Variants in SERGEF observed in about 807,000 individuals in gnomAD.
SERGEF encodes the protein secretion-regulating guanine nucleotide exchange factor.
Under a neutral mutation model 50.0 loss-of-function variants are expected in SERGEF, and 51 were observed. The observed-to-expected ratio is 1.02, with a 90% CI of 0.81 to 1.29. SERGEF has a LOEUF of 1.29. SERGEF is among the 50% of genes most tolerant of loss of function. The pLI is 0.00. For synonymous variants in SERGEF, 205 were observed against 212.4 expected (o/e 0.97, Z 0.30); for missense variants, 521 against 557.0 (o/e 0.94, Z 0.65).
At chr11:17,820,672 T>A (rs1850064301) in intron 10 of SERGEF, among the ~76,000 whole-genome samples, 2 of 152,240 alleles carry the variant, frequency 1.3e-5, no homozygotes, top group Admixed American at 1.3e-4. Context: ...TGTTAGTCAA[T>A]GCCTTAACCC....
At position 17,992,933 on chromosome 11, in the gene SERGEF, G is replaced by C; in HGVS notation, c.683C>G (p.Thr228Arg). The change falls in exon 7 of 11, where the codon ACA becomes AGA. Residue 228 changes from threonine to arginine, a missense_variant and splice_region_variant. Coordinates refer to ENST00000265965, the MANE Select transcript of SERGEF (RefSeq NM_012139.4). ...LAGSDHSASL[T>R]DAGEVYVWGS... ...ACCGTGAAAGAGCTGGTACCTACCTGTTAATGAAGCTGAGTGGTCTGAGCC... is the reference window on the plus strand; with the variant it reads ...ACCGTGAAAGAGCTGGTACCTACCTCTTAATGAAGCTGAGTGGTCTGAGCC... 6.2e-7 allele frequency: 1 copy of C among 1,613,636 alleles called. No individual in the cohort carries two copies. The highest frequency in any genetic ancestry group is 8.5e-7 in the Non-Finnish European group (1 of 1,179,538).
chr11:17,906,896 G>T (rs1472486924), intron 9 of SERGEF, among the ~76,000 whole-genome samples: 2 of 151,744 alleles, frequency 1.3e-5, no homozygotes, highest in Non-Finnish European at 2.9e-5. Context: ...AACTGAATGT[G>T]GTTGTAATAT....
chr11:17,919,502 A>G (rs1240316954), intron 9 of SERGEF, among the ~76,000 whole-genome samples: 3 of 152,162 alleles, frequency 2.0e-5, no homozygotes, highest in Non-Finnish European at 4.4e-5. Flanking sequence ...AAAGGAAGAC[A>G]TCAAAGTCTC....
intron 8 of SERGEF, among the ~76,000 whole-genome samples, chr11:17,984,422 T>C (rs1427995602): frequency 6.6e-6 from 1 of 152,126 alleles, no homozygotes; most frequent in African/African-American, 2.4e-5. Context: ...CCAGATCTCA[T>C]GAGAACTCAC....
intron 10 of SERGEF, among the ~76,000 whole-genome samples, chr11:17,871,832 C>T (rs944255213): frequency 9.9e-5 from 15 of 152,240 alleles, no homozygotes; most frequent in South Asian, 4.1e-4. Flanking sequence ...TCTCATATTG[C>T]TGGTGGGGGT....
chr11:18,002,001 C>A (rs1310623308), intron 4 of SERGEF: 6 of 456,220 alleles, frequency 1.3e-5, no homozygotes, highest in African/African-American at 1.2e-4. Flanking sequence ...ATCCCAGATG[C>A]AGGCTGAACA....
At chr11:17,804,463 C>A (rs1016396459) in intron 10 of SERGEF, among the ~76,000 whole-genome samples, 7 of 152,220 alleles carry the variant, frequency 4.6e-5, no homozygotes, top group African/African-American at 1.4e-4. Context: ...AGAGGCTTCC[C>A]TAGAAGAGAA....
intron 9 of SERGEF, among the ~76,000 whole-genome samples, chr11:17,958,315 ACT>A (rs1852918453): frequency 6.6e-6 from 1 of 152,064 alleles, no homozygotes; most frequent in Admixed American, 6.5e-5. Context: ...TTTTTGACTG[ACT>A]CTGAATGAAG....
intron 10 of SERGEF, among the ~76,000 whole-genome samples, chr11:17,841,675 C>T (rs1225740236): frequency 6.6e-6 from 1 of 152,130 alleles, no homozygotes; most frequent in Non-Finnish European, 1.5e-5. Context: ...TACACATAAC[C>T]ACCTCTGCTT....
intron 9 of SERGEF, among the ~76,000 whole-genome samples, chr11:17,947,162 G>A (rs1305517032): frequency 6.6e-6 from 1 of 152,214 alleles, no homozygotes; most frequent in East Asian, 1.9e-4. Context: ...CCAACCATTT[G>A]CTTTCTGATA....
intron 10 of SERGEF, among the ~76,000 whole-genome samples, chr11:17,839,004 C>T (rs1001347906): frequency 1.3e-5 from 2 of 152,128 alleles, no homozygotes; most frequent in African/African-American, 2.4e-5. Flanking sequence ...ATAAAAGGGC[C>T]AAGAACCCTG....
rs2299631 is a variant in SERGEF at position 17,805,479 on chromosome 11, G to A, written c.1049-17066C>T. Among the ~76,000 whole-genome samples, 75 of 152,324 alleles carry A rather than the reference G, an allele frequency of 4.9e-4. No homozygotes were observed. In the East Asian group the frequency reaches 0.013, roughly 27 times the overall value. On this transcript the variant is annotated intron_variant, in intron 10 of 10. Transcript: ENST00000265965. The stretch of plus-strand genomic sequence containing the variant: ...GCTCTTCTCCTCAGTCACTCATGTG[G>A]AGTTTTAGACCTTCCAAAGCTCCAT...
intron 10 of SERGEF, among the ~76,000 whole-genome samples, chr11:17,874,851 G>A (rs1318693731): frequency 1.3e-5 from 2 of 151,870 alleles, no homozygotes; most frequent in Non-Finnish European, 2.9e-5. Context: ...GGCTGGGAAA[G>A]ACACTTCCTT....
intron 8 of SERGEF, among the ~76,000 whole-genome samples, chr11:17,984,400 A>G (rs545416287): frequency 1.8e-4 from 27 of 152,256 alleles, no homozygotes; most frequent in African/African-American, 5.8e-4. Flanking sequence ...AATGGTACAC[A>G]CTTTTAAACA....
At chr11:17,905,001 G>A (rs1037158848) in intron 9 of SERGEF, among the ~76,000 whole-genome samples, 15 of 152,180 alleles carry the variant, frequency 9.9e-5, no homozygotes, top group African/African-American at 3.6e-4. Context: ...TCCAAAACAT[G>A]TTGGTCTTGA....
intron 9 of SERGEF, among the ~76,000 whole-genome samples, chr11:17,903,173 C>T (rs1851777452): frequency 6.6e-6 from 1 of 152,208 alleles, no homozygotes; most frequent in African/African-American, 2.4e-5. Flanking sequence ...GGTCTCTCAG[C>T]TCTAAGATAG....
chr11:17,864,662 G>A (rs1266793598), intron 10 of SERGEF, among the ~76,000 whole-genome samples: 2 of 152,186 alleles, frequency 1.3e-5, no homozygotes, highest in Non-Finnish European at 2.9e-5. Context: ...AGAAAGGCAA[G>A]ATCTGGGACA....
intron 10 of SERGEF, among the ~76,000 whole-genome samples, chr11:17,848,645 G>C (rs571347695): frequency 1.7e-3 from 263 of 152,262 alleles, no homozygotes; most frequent in Non-Finnish European, 2.8e-3. Flanking sequence ...GAAGCAGATA[G>C]GTCATCTTTT....
intron 10 of SERGEF, among the ~76,000 whole-genome samples, chr11:17,841,321 A>C (rs560421212): frequency 6.6e-6 from 1 of 152,240 alleles, no homozygotes; most frequent in African/African-American, 2.4e-5. Context: ...TTCACCTTCT[A>C]CTGTTTATTT....
Sources: gnomAD v4.1 joint callset for allele counts (sites outside exome capture counted in the v4.1 genomes callset) on GRCh38, gnomAD v4.1.1 for gene constraint, MANE v1.5 for transcripts, NCBI Gene and HGNC (gene_info 2026-07-23, HGNC 2026-07-21) for gene names.